The following PCDH15 variants were observed in gnomAD, a reference collection of about 807,000 sequenced individuals.
PCDH15 encodes protocadherin-15.
A neutral mutation model predicts 178.5 loss-of-function variants in PCDH15; 129 were observed. The ratio of observed to expected loss-of-function variants is 0.72; its 90% CI spans 0.63 to 0.84. The LOEUF is 0.84. Among genes scored for constraint, PCDH15 ranks in the 40% least tolerant of loss-of-function variants. PCDH15 has a pLI of 0.00. For synonymous variants in PCDH15, 800 were observed against 732.0 expected (o/e 1.09, Z -1.50); for missense variants, 2,230 against 2,099.9 (o/e 1.06, Z -1.21).
At chr10:55,093,762 A>T (rs1842376652) in intron 2 of PCDH15, among the ~76,000 whole-genome samples, 1 of 152,172 alleles carries the variant, frequency 6.6e-6, no homozygotes, top group South Asian at 2.1e-4. Flanking sequence ...AAAAGAAGAC[A>T]TTTAAGCAGC....
In PCDH15 at chr10:53,858,230, C is replaced by T. The variant is rs141732784; in HGVS notation, c.3718-967G>A. On this transcript the variant is annotated intron_variant, in intron 27 of 37. Coordinates refer to ENST00000644397, the MANE Select transcript of PCDH15 (RefSeq NM_001384140.1). Reference sequence around the variant, plus strand: ...AACACTCTGAGTTAGGCATATTTAGCACCGTATCTCAATACAATCTACAGT... The same window carrying T: ...AACACTCTGAGTTAGGCATATTTAGTACCGTATCTCAATACAATCTACAGT... Among the ~76,000 whole-genome samples the T allele has an allele frequency of 6.1e-4, 93 of 152,178 alleles. No individual in the cohort carries two copies. In the East Asian group the frequency reaches 0.017, roughly 28 times the overall value.
At chr10:54,580,615 G>A (rs1287019374) in intron 2 of PCDH15, among the ~76,000 whole-genome samples, 2 of 151,888 alleles carry the variant, frequency 1.3e-5, no homozygotes, top group African/African-American at 4.8e-5. Context: ...GCATCACCCT[G>A]ATACCAAAAC....
At position 54,069,893 on chromosome 10, in the gene PCDH15, A is replaced by G. The variant is rs2094207409; in HGVS notation, c.2092-3008T>C. Among the ~76,000 whole-genome samples, 4 of 152,152 alleles carry G rather than the reference A, an allele frequency of 2.6e-5. No individual in the cohort carries two copies. In the South Asian group the frequency reaches 6.2e-4, roughly 24 times the overall value. On this transcript the variant is annotated intron_variant, in intron 17 of 37. Coordinates refer to ENST00000644397, the MANE Select transcript of PCDH15 (RefSeq NM_001384140.1). Reference sequence around the variant, plus strand: ...CATATGTCATTAACACATGTTCACAATTAATTTTAAATATGAATATATATA... The same window carrying G: ...CATATGTCATTAACACATGTTCACAGTTAATTTTAAATATGAATATATATA...
At chr10:55,427,943 C>T (rs1002809457) in intron 2 of PCDH15, among the ~76,000 whole-genome samples, 7 of 151,826 alleles carry the variant, frequency 4.6e-5, no homozygotes, top group East Asian at 1.9e-4. Flanking sequence ...TAAAGAAAAA[C>T]GAGTTATTTG....
At chr10:55,313,282 C>A (rs1021820417) in intron 1 of PCDH15, among the ~76,000 whole-genome samples, 1 of 152,014 alleles carries the variant, frequency 6.6e-6, no homozygotes, top group Non-Finnish European at 1.5e-5. Context: ...AAAACAAATC[C>A]TCTTCAGTAC....
At chr10:55,156,055 G>A (rs1838880112) in intron 2 of PCDH15, among the ~76,000 whole-genome samples, 1 of 152,006 alleles carries the variant, frequency 6.6e-6, no homozygotes, top group Non-Finnish European at 1.5e-5. Flanking sequence ...AGAGAACAAT[G>A]ATTTCCCAGA....
At chr10:54,917,674 A>T (rs1837376271) in intron 2 of PCDH15, among the ~76,000 whole-genome samples, 1 of 152,154 alleles carries the variant, frequency 6.6e-6, no homozygotes, top group Non-Finnish European at 1.5e-5. Context: ...GAACAAGGGC[A>T]TCAAAACCTG....
At chr10:55,207,291 T>C (rs2132166002) in intron 1 of PCDH15, among the ~76,000 whole-genome samples, 1 of 152,168 alleles carries the variant, frequency 6.6e-6, no homozygotes, top group African/African-American at 2.4e-5. Flanking sequence ...TACAATTTAG[T>C]AGTATGGTTT....
intron 13 of PCDH15, among the ~76,000 whole-genome samples, chr10:54,157,252 C>T (rs1191343339): frequency 6.6e-6 from 1 of 152,250 alleles, no homozygotes; most frequent in African/African-American, 2.4e-5. Flanking sequence ...CAGGAGGGCC[C>T]TGCCCCTCAG....
chr10:55,580,335 GCTT>G (rs1842585897), intron 2 of PCDH15, among the ~76,000 whole-genome samples: 1 of 150,848 alleles, frequency 6.6e-6, no homozygotes, highest in Non-Finnish European at 1.5e-5. Flanking sequence ...TGGCTATATG[GCTT>G]CTTCATTTTT....
chr10:55,308,399 T>C (rs1843486781), intron 1 of PCDH15, among the ~76,000 whole-genome samples: 3 of 152,262 alleles, frequency 2.0e-5, no homozygotes, highest in Middle Eastern at 3.4e-3. Flanking sequence ...GTATACCTTC[T>C]GGATTGGAGA....
intron 2 of PCDH15, among the ~76,000 whole-genome samples, chr10:54,965,829 T>C (rs1238661116): frequency 6.6e-6 from 1 of 151,126 alleles, no homozygotes; most frequent in Non-Finnish European, 1.5e-5. Context: ...TCATGTAGTT[T>C]ACTCATGAAA....
At chr10:54,148,768 A>G (rs964071876) in intron 14 of PCDH15, among the ~76,000 whole-genome samples, 4 of 151,974 alleles carry the variant, frequency 2.6e-5, no homozygotes, top group African/African-American at 9.7e-5. Flanking sequence ...CTATTTCTCT[A>G]TTCTTCCTAA....
intron 24 of PCDH15, among the ~76,000 whole-genome samples, chr10:53,939,708 C>T (rs1405749549): frequency 1.3e-5 from 2 of 151,914 alleles, no homozygotes; most frequent in African/African-American, 2.4e-5. Flanking sequence ...TCTGTAGTGG[C>T]TAGAAGAGTA....
In PCDH15 at chr10:54,527,803, C is replaced by A. The variant is rs770490008; in HGVS notation, c.157+9G>T. 1 of 1,597,404 alleles carries A rather than the reference C, an allele frequency of 6.3e-7. No homozygotes were observed. The highest frequency in any genetic ancestry group is 8.6e-7 in the Non-Finnish European group (1 of 1,167,884). On this transcript the variant is annotated intron_variant, in intron 3 of 37. Coordinates refer to ENST00000644397, the MANE Select transcript of PCDH15 (RefSeq NM_001384140.1). ...GATAAGACATTTGTAAAATAAAAAA[C>A]TCACTTACCATTCCGACTTTCTTCA...
At chr10:54,407,510 G>A (rs1279600411) in intron 3 of PCDH15, among the ~76,000 whole-genome samples, 5 of 152,036 alleles carry the variant, frequency 3.3e-5, no homozygotes, top group Non-Finnish European at 4.4e-5. Context: ...AATTTATTCT[G>A]TATATGACTG....
intron 10 of PCDH15, among the ~76,000 whole-genome samples, chr10:54,210,752 G>C (rs2051341076): frequency 6.6e-6 from 1 of 151,718 alleles, no homozygotes. Context: ...ACTAGTGAGA[G>C]CTCAGGGTTA....
At chr10:54,461,247 G>A (rs753758175) in intron 3 of PCDH15, among the ~76,000 whole-genome samples, 14 of 151,998 alleles carry the variant, frequency 9.2e-5, no homozygotes, top group Non-Finnish European at 4.4e-5. Context: ...ATACATATTT[G>A]TGCTATTGTA....
chr10:55,201,825 A>G (rs1309951581), intron 1 of PCDH15, among the ~76,000 whole-genome samples: 2 of 152,214 alleles, frequency 1.3e-5, no homozygotes, highest in African/African-American at 4.8e-5. Flanking sequence ...TTTAAATGAA[A>G]TAATACCTTT....
Sources: allele counts gnomAD v4.1 joint callset (sites outside exome capture counted in the v4.1 genomes callset), GRCh38; gene constraint gnomAD v4.1.1; transcripts MANE v1.5; gene names NCBI Gene and HGNC (gene_info 2026-07-23, HGNC 2026-07-21).